Variants in VSX2 observed in about 807,000 individuals in gnomAD.
VSX2 encodes the protein ceh-10 homeo domain containing homolog.
VSX2 carries 28 observed loss-of-function variants against 32.1 expected under a neutral mutation model. That is an observed-to-expected ratio of 0.87 (90% CI 0.65 to 1.20). VSX2 has a LOEUF of 1.20. Ranked by LOEUF, VSX2 falls within the 50% of genes most tolerant of loss-of-function variation. VSX2 has a pLI of 0.00. For missense variants in VSX2, 506 were observed against 488.7 expected, an observed-to-expected ratio of 1.04 and a Z score of -0.33; for synonymous variants, 243 against 214.1, an observed-to-expected ratio of 1.14 and a Z score of -1.18.
At chr14:74,248,349 A>C (rs1396403877) in intron 3 of VSX2, among the ~76,000 whole-genome samples, 4 of 140,154 alleles carry the variant, frequency 2.9e-5, no homozygotes, top group Non-Finnish European at 3.2e-5. Flanking sequence ...AAAAAAAAAA[A>C]AACAAAAAAA....
intron 3 of VSX2, among the ~76,000 whole-genome samples, chr14:74,246,713 G>A (rs1340968909): frequency 6.6e-6 from 1 of 152,200 alleles, no homozygotes; most frequent in Non-Finnish European, 1.5e-5. Flanking sequence ...CTGCGGCAGG[G>A]AGGAGCAATG....
At position 74,260,645 on chromosome 14, in the gene VSX2, AG is replaced by A. The variant is rs2079299034; in HGVS notation, c.817del (p.Glu273AsnfsTer29). 2 of 1,606,060 alleles carry A rather than the reference AG, an allele frequency of 1.2e-6. No individual in the cohort carries two copies. The highest frequency in any genetic ancestry group is 1.7e-6 in the Non-Finnish European group (2 of 1,177,000). On this transcript the variant is annotated frameshift_variant, in exon 5 of 5. Transcript: ENST00000261980. LOFTEE classifies it high-confidence loss of function. ...GCAGCCGAGTCGGGGAGGAAGCCCG[AG>A]GGGGAACGCCAGGCCCTGCCCAAGC... Reference protein sequence around the residue: ...EAAAESGRKPEGERQALPKLD... With the variant: ...EAAAESGRKPXGERQALPKLD...
intron 2 of VSX2, among the ~76,000 whole-genome samples, chr14:74,242,674 T>A (rs1335160332): frequency 6.6e-6 from 1 of 151,998 alleles, no homozygotes; most frequent in Non-Finnish European, 1.5e-5. Flanking sequence ...AAACACTTTT[T>A]ATGCACCCAT....
At chr14:74,240,109 G>A (rs996326631) in intron 1 of VSX2, among the ~76,000 whole-genome samples, 178 bp downstream of exon 1, 1 of 152,216 alleles carries the variant, frequency 6.6e-6, no homozygotes, top group Non-Finnish European at 1.5e-5. Context: ...GGATGCTTCG[G>A]CGTCCGCAGG....
In VSX2 at chr14:74,259,793, G is replaced by T; in HGVS notation, c.760+11G>T. 5 of 1,535,938 alleles carry T rather than the reference G, an allele frequency of 3.3e-6. No individual in the cohort carries two copies. The highest frequency in any genetic ancestry group is 4.3e-6 in the Non-Finnish European group (5 of 1,149,930). ...CCCCGTGGCTACTGGGTAAGAGCCC[G>T]CACCCTCCTTGGGGTCCTGCCCTGC... is the stretch of plus-strand genomic sequence containing the variant. On this transcript the variant is annotated intron_variant, in intron 4 of 4. Transcript: ENST00000261980.
At chr14:74,248,263 G>A (rs1594755497) in intron 3 of VSX2, among the ~76,000 whole-genome samples, 2 of 149,718 alleles carry the variant, frequency 1.3e-5, no homozygotes, top group Admixed American at 1.3e-4. Context: ...CAGTGGCTCA[G>A]GCCTGTAATC....
At position 74,259,656 on chromosome 14, in the gene VSX2, C is replaced by T. The variant is rs1033207603; in HGVS notation, c.634C>T (p.Arg212Trp). 19 of 1,614,006 alleles carry T rather than the reference C, an allele frequency of 1.2e-5. No homozygotes were observed. Among genetic ancestry groups the T allele is most frequent in the East Asian group, 8.9e-5 (4 of 44,896 alleles). Residue 212 changes from arginine (R) to tryptophan (W), a missense_variant, in exon 4 of 5, where the codon CGG becomes TGG. Physicochemically the swap from Arg to Trp is moderately radical, Grantham distance 101. Coordinates refer to ENST00000261980, the MANE Select transcript of VSX2 (RefSeq NM_182894.3). The part of the protein sequence containing the change: ...KWRKREKCWG[R>W]SSVMAEYGLY... ...GAGGAAGCGGGAGAAGTGCTGGGGCCGGAGCAGTGTCATGGCGGAGTATGG... is the reference window on the plus strand; with the variant it reads ...GAGGAAGCGGGAGAAGTGCTGGGGCTGGAGCAGTGTCATGGCGGAGTATGG...
At chr14:74,240,963 A>G (rs1308162508) in intron 1 of VSX2, among the ~76,000 whole-genome samples, 1 of 151,992 alleles carries the variant, frequency 6.6e-6, no homozygotes, top group Non-Finnish European at 1.5e-5. Flanking sequence ...CTCTCTTACA[A>G]CGAAATCTGT....
intron 3 of VSX2, among the ~76,000 whole-genome samples, chr14:74,249,398 G>C (rs2079215319): frequency 6.6e-6 from 1 of 152,094 alleles, no homozygotes; most frequent in Non-Finnish European, 1.5e-5. Context: ...AGCCTCTTGA[G>C]TAGCTGGGAC....
At position 74,239,551 on chromosome 14, in the gene VSX2, A is replaced by G. The variant is rs1181946576; in HGVS notation, c.-11A>G. ...AGACCTGCGGCCTCAGCCCCTCCAA[A>G]GAACAGGGAGATGACGGGGAAAGCA... is the stretch of plus-strand genomic sequence containing the variant. On this transcript the variant is annotated 5_prime_UTR_variant, in exon 1 of 5. Coordinates refer to ENST00000261980, the MANE Select transcript of VSX2 (RefSeq NM_182894.3). The G allele has an allele frequency of 6.4e-7, 1 of 1,550,734 alleles. No individual in the cohort carries two copies. The highest frequency in any genetic ancestry group is 8.7e-7 in the Non-Finnish European group (1 of 1,146,944).
At chr14:74,253,411 G>T (rs1365633267) in intron 3 of VSX2, among the ~76,000 whole-genome samples, 2 of 152,202 alleles carry the variant, frequency 1.3e-5, no homozygotes, top group Non-Finnish European at 2.9e-5. Context: ...CATATCAAAG[G>T]TGGGAGATAA....
chr14:74,255,608 G>T (rs1047333015), intron 3 of VSX2, among the ~76,000 whole-genome samples: 7 of 152,154 alleles, frequency 4.6e-5, no homozygotes, highest in Non-Finnish European at 1.0e-4. Context: ...CCCCAGAGAT[G>T]ATCAGAATCC....
chr14:74,241,393 C>A (rs868647059), intron 2 of VSX2, 127 bp downstream of exon 2: 3 of 1,048,824 alleles, frequency 2.9e-6, no homozygotes, highest in Non-Finnish European at 2.9e-6. Flanking sequence ...CGTGCCAGGG[C>A]GCAGACCACG....
chr14:74,255,536 A>G (rs746891130), intron 3 of VSX2, among the ~76,000 whole-genome samples: 1 of 152,218 alleles, frequency 6.6e-6, no homozygotes, highest in Non-Finnish European at 1.5e-5. Flanking sequence ...TCTGATCTAC[A>G]GATCAGCCAG....
intron 3 of VSX2, among the ~76,000 whole-genome samples, chr14:74,251,443 T>G (rs1271913635): frequency 6.6e-6 from 1 of 152,042 alleles, no homozygotes; most frequent in Non-Finnish European, 1.5e-5. Context: ...AGAGCGAAAC[T>G]CTGTCTCAAA....
chr14:74,257,432 C>G (rs561214559), intron 3 of VSX2, among the ~76,000 whole-genome samples: 3 of 152,386 alleles, frequency 2.0e-5, no homozygotes, highest in African/African-American at 7.2e-5. Flanking sequence ...GATGGAGCCA[C>G]CCGGGGCGGG....
chr14:74,246,940 T>A (rs777570934), intron 3 of VSX2, among the ~76,000 whole-genome samples: 35 of 152,094 alleles, frequency 2.3e-4, no homozygotes, highest in Non-Finnish European at 2.6e-4. Flanking sequence ...CACATTTAAC[T>A]TAACAGGGCT....
In VSX2 at chr14:74,260,673, C is replaced by T. The variant is rs779385952; in HGVS notation, c.840C>T (p.Leu280=). The change falls in exon 5 of 5, where the codon CTC becomes CTT. Residue 280 remains leucine, a synonymous_variant. Coordinates refer to ENST00000261980, the MANE Select transcript of VSX2 (RefSeq NM_182894.3). ...PEGERQALPK[L]DKMEQDERGP... is the part of the protein sequence containing the mutation. ...GGGAACGCCAGGCCCTGCCCAAGCT[C>T]GACAAGATGGAGCAGGACGAGCGGG... The T allele has an allele frequency of 5.0e-6, 8 of 1,600,410 alleles. No individual in the cohort carries two copies. The highest frequency in any genetic ancestry group is 3.5e-5 in the Admixed American group (2 of 57,882).
At chr14:74,256,252 G>A (rs960099807) in intron 3 of VSX2, among the ~76,000 whole-genome samples, 2 of 152,204 alleles carry the variant, frequency 1.3e-5, no homozygotes, top group Non-Finnish European at 2.9e-5. Flanking sequence ...CCAACAAGGT[G>A]AAATCTCGTC....
Sources: allele counts gnomAD v4.1 joint callset (sites outside exome capture counted in the v4.1 genomes callset), GRCh38; gene constraint gnomAD v4.1.1; transcripts MANE v1.5; gene names NCBI Gene and HGNC (gene_info 2026-07-23, HGNC 2026-07-21).